RBM47: variants seen among roughly 807,000 people sequenced by gnomAD.
RBM47 encodes the protein RNA-binding protein 47.
Under a neutral mutation model 47.1 loss-of-function variants are expected in RBM47, and 21 were observed. The observed-to-expected ratio is 0.45, with a 90% CI of 0.32 to 0.64. RBM47 has a LOEUF of 0.64. RBM47 is among the 30% of genes least tolerant of loss of function. The pLI is 0.05. For missense variants in RBM47, 708 were observed against 870.9 expected, an observed-to-expected ratio of 0.81 and a Z score of 2.35; for synonymous variants, 375 against 361.7, an observed-to-expected ratio of 1.04 and a Z score of -0.42.
At chr4:40,536,661 G>A (rs904357922) in intron 2 of RBM47, among the ~76,000 whole-genome samples, 4 of 151,884 alleles carry the variant, frequency 2.6e-5, no homozygotes, top group Non-Finnish European at 5.9e-5. Context: ...GTTATTGGTT[G>A]AGTCATGGCT....
At chr4:40,530,264 A>C (rs1208476253) in intron 2 of RBM47, among the ~76,000 whole-genome samples, 1 of 151,492 alleles carries the variant, frequency 6.6e-6, no homozygotes, top group Non-Finnish European at 1.5e-5. Flanking sequence ...TTCTAGGTGG[A>C]GCATCTTCTG....
chr4:40,438,728 C>G lies in RBM47; in HGVS notation c.166G>C (p.Gly56Arg). 3 of 1,605,136 alleles carry G rather than the reference C, an allele frequency of 1.9e-6. No individual in the cohort carries two copies. Among genetic ancestry groups the G allele is most frequent in the Non-Finnish European group, 2.5e-6 (3 of 1,177,490 alleles). The change falls in exon 4 of 7, where the codon GGC (glycine) becomes CGC (arginine). Residue 56 changes from glycine (G) to arginine (R), a missense_variant. Transcript: ENST00000295971. ...CCCTCCCAGCCGGGCGGTGGGCCGC[C>G]GTACTTGCGCTGCCCGTTCTCTTGC... ...MVQENGQRKYGGPPPGWEGPH... is the reference protein window; with the variant it reads ...MVQENGQRKYRGPPPGWEGPH...
At chr4:40,461,734 G>GCA (rs1218307302) in intron 3 of RBM47, among the ~76,000 whole-genome samples, 2 of 152,150 alleles carry the variant, frequency 1.3e-5, no homozygotes, top group Non-Finnish European at 2.9e-5. Flanking sequence ...TTCAAGACCA[G>GCA]CTATGGCTAA....
At chr4:40,571,972 G>A (rs1020698336) in intron 1 of RBM47, among the ~76,000 whole-genome samples, 7 of 149,804 alleles carry the variant, frequency 4.7e-5, no homozygotes, top group Middle Eastern at 3.2e-3. Flanking sequence ...GCACTGAGCC[G>A]AGATTGTACC....
intron 2 of RBM47, among the ~76,000 whole-genome samples, chr4:40,496,002 T>C (rs886887578): frequency 6.6e-6 from 1 of 152,222 alleles, no homozygotes; most frequent in Non-Finnish European, 1.5e-5. Flanking sequence ...CAGTGTTAAC[T>C]GAGATGGCTC....
At chr4:40,509,191 T>TAAATA (rs1560431667) in intron 2 of RBM47, among the ~76,000 whole-genome samples, 1 of 117,782 alleles carries the variant, frequency 8.5e-6, no homozygotes, top group African/African-American at 3.4e-5. Context: ...AAATAAATAA[T>TAAATA]AATAATATAT....
At chr4:40,621,998 G>C (rs1278179826) in intron 1 of RBM47, among the ~76,000 whole-genome samples, 3 of 152,230 alleles carry the variant, frequency 2.0e-5, no homozygotes, top group Non-Finnish European at 2.9e-5. Flanking sequence ...AGAAAGGTAT[G>C]TTCGTGGTTG....
chr4:40,493,491 T>A (rs1398602098), intron 2 of RBM47, among the ~76,000 whole-genome samples: 1 of 151,982 alleles, frequency 6.6e-6, no homozygotes, highest in East Asian at 1.9e-4. Context: ...AAAATAAAAT[T>A]TATATGTTTT....
chr4:40,442,722 G>T (rs1235077726), intron 3 of RBM47, among the ~76,000 whole-genome samples: 3 of 151,910 alleles, frequency 2.0e-5, no homozygotes, highest in Non-Finnish European at 4.4e-5. Flanking sequence ...CTGTCACCCA[G>T]GCTGGCGTGC....
intron 3 of RBM47, among the ~76,000 whole-genome samples, chr4:40,459,672 G>T (rs148349307): frequency 2.0e-5 from 3 of 152,310 alleles, no homozygotes; most frequent in Admixed American, 1.3e-4. Flanking sequence ...TGGTATTTCT[G>T]CATGGCCGAA....
intron 2 of RBM47, among the ~76,000 whole-genome samples, chr4:40,525,614 A>C (rs971893271): frequency 5.3e-5 from 8 of 152,176 alleles, no homozygotes; most frequent in African/African-American, 1.9e-4. Context: ...AAAATAGCCT[A>C]GAGGAAAGAA....
At chr4:40,586,365 T>C (rs1733582996) in intron 1 of RBM47, among the ~76,000 whole-genome samples, 1 of 151,950 alleles carries the variant, frequency 6.6e-6, no homozygotes, top group Non-Finnish European at 1.5e-5. Flanking sequence ...GTCTGGAAGG[T>C]AAGCCTTTGA....
At chr4:40,451,061 G>A (rs2154219344) in intron 3 of RBM47, among the ~76,000 whole-genome samples, 1 of 151,914 alleles carries the variant, frequency 6.6e-6, no homozygotes, top group South Asian at 2.1e-4. Flanking sequence ...GAATAGTCAA[G>A]GCTGGCCGGG....
intron 2 of RBM47, among the ~76,000 whole-genome samples, chr4:40,532,475 G>A (rs1388540852): frequency 6.7e-6 from 1 of 150,020 alleles, no homozygotes; most frequent in Non-Finnish European, 1.5e-5. Context: ...ACCACACCCA[G>A]CTAATTTTTT....
chr4:40,511,625 C>A (rs1340592249), intron 2 of RBM47, among the ~76,000 whole-genome samples: 1 of 152,274 alleles, frequency 6.6e-6, no homozygotes, highest in East Asian at 1.9e-4. Flanking sequence ...TCCAACGTAG[C>A]CTTTGTTGAT....
intron 3 of RBM47, among the ~76,000 whole-genome samples, chr4:40,462,791 A>G (rs1047871343): frequency 2.0e-5 from 3 of 152,188 alleles, no homozygotes; most frequent in African/African-American, 7.2e-5. Context: ...TACACTATAT[A>G]TAAAAATAAA....
At chr4:40,474,348 G>GC (rs1183793514) in intron 2 of RBM47, among the ~76,000 whole-genome samples, 3 of 151,864 alleles carry the variant, frequency 2.0e-5, no homozygotes, top group East Asian at 1.9e-4. Context: ...ACTGTTGGTC[G>GC]CCCCCCACAC....
intron 2 of RBM47, among the ~76,000 whole-genome samples, chr4:40,537,329 G>A (rs1728083654): frequency 6.6e-6 from 1 of 151,844 alleles, no homozygotes; most frequent in Non-Finnish European, 1.5e-5. Flanking sequence ...CTGGAGTGTG[G>A]TGCCTCCATC....
intron 3 of RBM47, among the ~76,000 whole-genome samples, chr4:40,457,430 A>C (rs1440617932): frequency 6.6e-6 from 1 of 151,500 alleles, no homozygotes; most frequent in Non-Finnish European, 1.5e-5. Flanking sequence ...CTCAAAAAAA[A>C]AAAAAAAACA....
Sources: gnomAD v4.1 joint callset for allele counts (sites outside exome capture counted in the v4.1 genomes callset) on GRCh38, gnomAD v4.1.1 for gene constraint, MANE v1.5 for transcripts, NCBI Gene and HGNC (gene_info 2026-07-23, HGNC 2026-07-21) for gene names.